GRIN2A: variants seen among roughly 807,000 people sequenced by gnomAD.
GRIN2A encodes the protein glutamate receptor ionotropic, NMDA 2A.
A neutral mutation model predicts 113.4 loss-of-function variants in GRIN2A; 22 were observed. The observed-to-expected ratio is 0.19, with a 90% CI of 0.14 to 0.28. The LOEUF is 0.28. Ranked by LOEUF, GRIN2A falls within the 10% of genes least tolerant of loss-of-function variation. GRIN2A has a pLI of 1.00. For synonymous variants in GRIN2A, 827 were observed against 738.4 expected, an observed-to-expected ratio of 1.12 and a Z score of -1.94; for missense variants, 1,502 against 1,887.0, an observed-to-expected ratio of 0.80 and a Z score of 3.78.
At chr16:10,150,522 T>C (rs1369727630) in intron 2 of GRIN2A, among the ~76,000 whole-genome samples, 2 of 152,198 alleles carry the variant, frequency 1.3e-5, no homozygotes, top group Non-Finnish European at 2.9e-5. Context: ...CTGCCCTCTC[T>C]CTACCTCTCA....
chr16:9,873,290 C>G (rs2141431700), intron 4 of GRIN2A, among the ~76,000 whole-genome samples: 1 of 152,246 alleles, frequency 6.6e-6, no homozygotes, highest in East Asian at 1.9e-4. Flanking sequence ...CCTGACATCA[C>G]CACTATACAA....
intron 2 of GRIN2A, among the ~76,000 whole-genome samples, chr16:10,046,157 A>C (rs188797948): frequency 6.6e-6 from 1 of 152,198 alleles, no homozygotes; most frequent in African/African-American, 2.4e-5. Context: ...AGTTCTGACC[A>C]ATGTGGCATG....
intron 2 of GRIN2A, among the ~76,000 whole-genome samples, chr16:9,939,194 C>T (rs77339306): frequency 6.6e-6 from 1 of 152,222 alleles, no homozygotes; most frequent in East Asian, 1.9e-4. Context: ...AAGTGGAAGA[C>T]AACTTCTACA....
intron 2 of GRIN2A, among the ~76,000 whole-genome samples, chr16:10,094,665 G>A (rs12149454): frequency 0.21 from 32,434 of 151,804 alleles, 3,879 homozygotes; most frequent in East Asian, 0.44. Flanking sequence ...GGCCAGGCTG[G>A]TCTCAAACTC....
rs376902044 is a variant in GRIN2A at position 10,094,045 on chromosome 16, G to A, written c.414+85953C>T. Among the ~76,000 whole-genome samples the A allele has an allele frequency of 3.3e-5, 5 of 152,276 alleles. No individual in the cohort carries two copies. In the East Asian group the frequency reaches 7.7e-4, roughly 24 times the overall value. ...CCTCCTACTCCAGGTTTCTAAACAG[G>A]AAGCATCAGAACCTGGCTGTCAGAA... On this transcript the variant is annotated intron_variant, in intron 2 of 12. Coordinates refer to ENST00000330684, the MANE Select transcript of GRIN2A (RefSeq NM_001134407.3).
chr16:10,168,355 T>C (rs1478776201), intron 2 of GRIN2A, among the ~76,000 whole-genome samples: 2 of 152,232 alleles, frequency 1.3e-5, no homozygotes, highest in African/African-American at 4.8e-5. Flanking sequence ...TATACTGAAT[T>C]ACTCACACAC....
chr16:9,959,837 G>A (rs1000089841), intron 2 of GRIN2A, among the ~76,000 whole-genome samples: 1 of 152,218 alleles, frequency 6.6e-6, no homozygotes, highest in Non-Finnish European at 1.5e-5. Flanking sequence ...ACCTGGGCGT[G>A]GTGGCGCATG....
At chr16:9,997,020 A>C (rs1049208422) in intron 2 of GRIN2A, among the ~76,000 whole-genome samples, 58 of 152,208 alleles carry the variant, frequency 3.8e-4, no homozygotes, top group Non-Finnish European at 1.2e-4. Context: ...CTTTAAGGAA[A>C]CCATGATTTT....
At chr16:10,167,903 A>G (rs917015331) in intron 2 of GRIN2A, among the ~76,000 whole-genome samples, 1 of 152,344 alleles carries the variant, frequency 6.6e-6, no homozygotes, top group Non-Finnish European at 1.5e-5. Flanking sequence ...TTTCTGCCAT[A>G]AGCAGATGTT....
intron 2 of GRIN2A, among the ~76,000 whole-genome samples, chr16:10,053,335 G>T (rs2047391463): frequency 6.6e-6 from 1 of 152,180 alleles, no homozygotes. Context: ...ATATTTTGTT[G>T]AACATCTACC....
intron 2 of GRIN2A, among the ~76,000 whole-genome samples, chr16:9,997,554 T>TAATCTCAACTCATCCCC (rs2046248000): frequency 6.6e-6 from 1 of 152,232 alleles, no homozygotes; most frequent in Admixed American, 6.5e-5. Flanking sequence ...CTGCCATCCC[T>TAATCTCAACTCATCCCC]AATCTCAACT....
intron 11 of GRIN2A, among the ~76,000 whole-genome samples, chr16:9,789,606 TAAG>T (rs1902477682): frequency 6.6e-6 from 1 of 150,804 alleles, no homozygotes; most frequent in African/African-American, 2.4e-5. Flanking sequence ...ATAAATAAAT[TAAG>T]GAGGACGCTT....
At chr16:9,991,509 T>C (rs575532414) in intron 2 of GRIN2A, among the ~76,000 whole-genome samples, 18 of 152,210 alleles carry the variant, frequency 1.2e-4, no homozygotes, top group Non-Finnish European at 2.2e-4. Context: ...CTCAAAAGTG[T>C]CTATTGTACC....
chr16:9,850,003 C>G (rs759830401), intron 4 of GRIN2A, 42 bp from the exon 5 acceptor site: 1 of 1,551,858 alleles, frequency 6.4e-7, no homozygotes, highest in Non-Finnish European at 8.9e-7. Flanking sequence ...TTTCTTCCGC[C>G]GCTGATTTCT....
intron 2 of GRIN2A, among the ~76,000 whole-genome samples, chr16:10,122,215 C>A (rs1027682056): frequency 1.3e-5 from 2 of 152,220 alleles, no homozygotes; most frequent in African/African-American, 4.8e-5. Flanking sequence ...GTATTAGGCA[C>A]CTTCTGTAGC....
chr16:9,773,649 G>A (rs1018478656), intron 11 of GRIN2A, among the ~76,000 whole-genome samples: 2 of 152,184 alleles, frequency 1.3e-5, no homozygotes, highest in African/African-American at 4.8e-5. Context: ...AGCACTCAAA[G>A]CCCTCTCCTT....
chr16:10,135,392 A>G (rs528056372), intron 2 of GRIN2A, among the ~76,000 whole-genome samples: 4 of 152,274 alleles, frequency 2.6e-5, no homozygotes, highest in Admixed American at 2.6e-4. Flanking sequence ...CTTACTTCTG[A>G]GTCCCCAGAA....
At chr16:10,181,096 G>A (rs1196878551) in intron 1 of GRIN2A, among the ~76,000 whole-genome samples, 3 of 150,582 alleles carry the variant, frequency 2.0e-5, no homozygotes, top group Non-Finnish European at 4.4e-5. Flanking sequence ...TGCCTGGTGG[G>A]CCCAGGCTCC....
chr16:10,176,215 G>C (rs970716075), intron 2 of GRIN2A, among the ~76,000 whole-genome samples: 13 of 151,962 alleles, frequency 8.6e-5, no homozygotes, highest in African/African-American at 3.1e-4. Flanking sequence ...ATGTTGGCCA[G>C]GCTGGTCTTG....
Sources: allele counts gnomAD v4.1 joint callset (sites outside exome capture counted in the v4.1 genomes callset), GRCh38; gene constraint gnomAD v4.1.1; transcripts MANE v1.5; gene names NCBI Gene and HGNC (gene_info 2026-07-23, HGNC 2026-07-21).